TMEM108: variants seen among roughly 807,000 people sequenced by gnomAD.
TMEM108 encodes transmembrane protein 108, also known as cancer/testis antigen 124.
TMEM108 carries 12 observed loss-of-function variants against 35.1 expected under a neutral mutation model. The observed-to-expected ratio is 0.34, with a 90% confidence interval of 0.22 to 0.55. The LOEUF is 0.55. Ranked by LOEUF, TMEM108 falls within the 20% of genes least tolerant of loss-of-function variation. The probability of loss-of-function intolerance (pLI) is 0.89; values close to 1 mark genes in which losing one functional copy is unlikely to be tolerated. For missense variants in TMEM108, 680 were observed against 753.3 expected (o/e 0.90, Z 1.14); for synonymous variants, 287 against 308.6 (o/e 0.93, Z 0.73).
chr3:133,202,410 G>T (rs1304420480), intron 2 of TMEM108, among the ~76,000 whole-genome samples: 1 of 152,090 alleles, frequency 6.6e-6, no homozygotes, highest in Non-Finnish European at 1.5e-5. Flanking sequence ...TTTCTTCTAG[G>T]TTTTTATGGT....
At position 133,152,759 on chromosome 3, in the gene TMEM108, G is replaced by A. The variant is rs556947446; in HGVS notation, c.-46-76507G>A. 9.2e-5 allele frequency among the ~76,000 whole-genome samples: 14 copies of A among 152,208 alleles called. No individual in the cohort carries two copies. The South Asian group carries it at 2.7e-3, about 29-fold the overall frequency. ...ATGCCCTTATCTAAGCCTTTTAAAA[G>A]AGAACCAATTTAAATTTTTTCACTT... On this transcript the variant is annotated intron_variant, in intron 2 of 5. Coordinates refer to ENST00000321871, the MANE Select transcript of TMEM108 (RefSeq NM_023943.4).
rs182249892 is a variant in TMEM108 at position 133,089,296 on chromosome 3, C to T, written c.-47+43276C>T. ...ACAGGGAGGCATGGGAAGGTCACCA[C>T]TGAAATGATGTCAGTTCTCTGGTCA... On this transcript the variant is annotated intron_variant, in intron 2 of 5. Coordinates refer to ENST00000321871, the MANE Select transcript of TMEM108 (RefSeq NM_023943.4). 2.0e-3 allele frequency among the ~76,000 whole-genome samples: 299 copies of T among 152,296 alleles called. 3 individuals carry two copies. The highest frequency in any genetic ancestry group is 7.1e-3 in the African/African-American group (294 of 41,572).
chr3:133,196,330 G>A (rs1191408480), intron 2 of TMEM108, among the ~76,000 whole-genome samples: 2 of 152,134 alleles, frequency 1.3e-5, no homozygotes, highest in African/African-American at 4.8e-5. Context: ...TTATCACCAC[G>A]TAGCCTATGA....
intron 2 of TMEM108, among the ~76,000 whole-genome samples, chr3:133,201,677 C>T (rs189182655): frequency 7.4e-4 from 113 of 152,280 alleles, no homozygotes; most frequent in African/African-American, 2.5e-3. Flanking sequence ...ATATGTGCCA[C>T]ATTTTCTTTA....
intron 3 of TMEM108, among the ~76,000 whole-genome samples, chr3:133,232,487 CT>C (rs761977197): frequency 2.6e-5 from 4 of 152,302 alleles, no homozygotes; most frequent in East Asian, 1.9e-4. Context: ...CTTGTTTAGC[CT>C]GCAGAACTGT....
intron 3 of TMEM108, among the ~76,000 whole-genome samples, chr3:133,270,995 C>A (rs1279782672): frequency 6.6e-6 from 1 of 152,166 alleles, no homozygotes; most frequent in East Asian, 1.9e-4. Context: ...CCTCTTGACA[C>A]AACCACTGTT....
rs556089285 is a variant in TMEM108, at chr3:133,038,433, G to C, written c.-168G>C. On this transcript the variant is annotated splice_region_variant and 5_prime_UTR_variant, in exon 1 of 6. Transcript: ENST00000321871. The stretch of plus-strand genomic sequence containing the variant: ...CGGAGGGAGCCGGAGCGCTTCTCCC[G>C]AGGTAAGCGGCGCTCCGGGGCGTCC... 2.6e-5 allele frequency: 4 copies of C among 152,512 alleles called. No individual in the cohort carries two copies. Among genetic ancestry groups the C allele is most frequent in the Admixed American group, 6.5e-5 (1 of 15,312 alleles). The allele number at this position is 152,512 out of a possible 1,614,324, so 9.4% of individuals were successfully genotyped here. A position where few individuals can be genotyped will look rare whatever the true frequency, so the allele number is the denominator to read the frequency against.
intron 2 of TMEM108, among the ~76,000 whole-genome samples, chr3:133,055,857 A>G (rs62293063): frequency 0.12 from 18,718 of 152,244 alleles, 1,306 homozygotes; most frequent in African/African-American, 0.19. Flanking sequence ...TTTCCACTGG[A>G]AAGAACTTAC....
chr3:133,062,271 A>G (rs142985329), intron 2 of TMEM108, among the ~76,000 whole-genome samples: 135 of 152,350 alleles, frequency 8.9e-4, no homozygotes, highest in African/African-American at 3.1e-3. Flanking sequence ...ATAGCTAGGA[A>G]AGCTTTTTAG....
intron 2 of TMEM108, among the ~76,000 whole-genome samples, chr3:133,182,787 T>G (rs1945365989): frequency 6.6e-6 from 1 of 152,202 alleles, no homozygotes; most frequent in Non-Finnish European, 1.5e-5. Context: ...GGTCAAAATA[T>G]GTCTTGAGAA....
intron 3 of TMEM108, among the ~76,000 whole-genome samples, chr3:133,260,846 G>C (rs1014248605): frequency 1.3e-4 from 20 of 152,238 alleles, no homozygotes; most frequent in Non-Finnish European, 2.5e-4. Context: ...CATGGATATG[G>C]GGCAATATGA....
At chr3:133,365,796 A>G (rs1338929479) in intron 3 of TMEM108, among the ~76,000 whole-genome samples, 1 of 152,170 alleles carries the variant, frequency 6.6e-6, no homozygotes, top group East Asian at 1.9e-4. Flanking sequence ...CCAAAATGGA[A>G]CAGCCCTAGA....
At chr3:133,055,930 A>G (rs1943460484) in intron 2 of TMEM108, among the ~76,000 whole-genome samples, 1 of 152,200 alleles carries the variant, frequency 6.6e-6, no homozygotes, top group Non-Finnish European at 1.5e-5. Flanking sequence ...TAAATGTTAG[A>G]CATTATTTAG....
chr3:133,224,185 T>C (rs1946033677), intron 2 of TMEM108, among the ~76,000 whole-genome samples: 1 of 152,136 alleles, frequency 6.6e-6, no homozygotes, highest in South Asian at 2.1e-4. Context: ...TACTAAGCAT[T>C]TATTGAATGC....
intron 3 of TMEM108, among the ~76,000 whole-genome samples, chr3:133,282,114 A>G (rs1946922445): frequency 6.6e-6 from 1 of 152,168 alleles, no homozygotes; most frequent in Non-Finnish European, 1.5e-5. Flanking sequence ...CCGAGATCAC[A>G]CCACTGTACT....
intron 2 of TMEM108, among the ~76,000 whole-genome samples, chr3:133,063,006 G>A (rs1943553727): frequency 1.3e-5 from 2 of 152,192 alleles, no homozygotes; most frequent in Non-Finnish European, 2.9e-5. Context: ...TGGACATGAG[G>A]AGGGTGAGGG....
intron 3 of TMEM108, among the ~76,000 whole-genome samples, chr3:133,230,517 A>G (rs556276383): frequency 4.6e-5 from 7 of 152,338 alleles, no homozygotes; most frequent in African/African-American, 1.7e-4. Flanking sequence ...TTGTTAAAGA[A>G]TAGGCTTTAA....
intron 4 of TMEM108, among the ~76,000 whole-genome samples, chr3:133,385,154 A>G (rs2073114707): frequency 2.0e-5 from 3 of 152,168 alleles, no homozygotes; most frequent in African/African-American, 7.2e-5. Flanking sequence ...TATATAAGAA[A>G]ACCCGGGTGA....
At chr3:133,172,101 T>G (rs1945138719) in intron 2 of TMEM108, among the ~76,000 whole-genome samples, 1 of 152,128 alleles carries the variant, frequency 6.6e-6, no homozygotes, top group African/African-American at 2.4e-5. Context: ...TGCTCTAAGG[T>G]TTTTGCATTT....
Sources: allele counts gnomAD v4.1 joint callset (sites outside exome capture counted in the v4.1 genomes callset), GRCh38; gene constraint gnomAD v4.1.1; transcripts MANE v1.5; gene names NCBI Gene and HGNC (gene_info 2026-07-23, HGNC 2026-07-21).